The following LARGE1 variants were observed in gnomAD, a reference collection of about 807,000 sequenced individuals.
The protein encoded by LARGE1 is xylosyl- and glucuronyltransferase LARGE1.
LARGE1 carries 43 observed loss-of-function variants against 87.6 expected under a neutral mutation model. The observed-to-expected ratio is 0.49, with a 90% confidence interval of 0.38 to 0.63. The LOEUF is 0.63. Ranked by LOEUF, LARGE1 falls within the 30% of genes least tolerant of loss-of-function variation. The pLI is 0.00. For synonymous variants in LARGE1, 434 were observed against 394.6 expected (o/e 1.10, Z -1.18); for missense variants, 802 against 1,000.2 (o/e 0.80, Z 2.67).
In LARGE1 at chr22:33,304,237, C is replaced by A. The variant is rs1378306743; in HGVS notation, c.1722G>T (p.Glu574Asp). 6.2e-7 allele frequency: 1 copy of A among 1,614,198 alleles called. No homozygotes were observed. The highest frequency in any genetic ancestry group is 1.1e-5 in the South Asian group (1 of 91,088). The change falls in exon 12 of 15, where the codon GAG becomes GAT. Residue 574 changes from glutamate to aspartate, a missense_variant. By Grantham distance (45) the Glu-to-Asp change is conservative (BLOSUM62 2). Around this residue, in one of 2 missense-constraint regions of LARGE1, gnomAD observed 625 missense variants for 841.9 expected, o/e 0.74. Coordinates refer to ENST00000397394, the MANE Select transcript of LARGE1 (RefSeq NM_133642.5). ...IDFLPMYGLY[E>D]YLRKSVIQLD... ...CCCCTGCAGGTCCTTACCTGAGGTA[C>A]TCATAGAGCCCATACATGGGCAGGA...
At chr22:33,136,887 AG>A in the LARGE1 span, among the ~76,000 whole-genome samples, 1 of 151,660 alleles carries the variant, frequency 6.6e-6, no homozygotes, top group Non-Finnish European at 1.5e-5. Flanking sequence ...GGGCTCTGTT[AG>A]GGGAGGAGAA....
intron 5 of LARGE1, among the ~76,000 whole-genome samples, chr22:33,599,881 T>C (rs140841943): frequency 7.2e-5 from 11 of 152,322 alleles, no homozygotes; most frequent in African/African-American, 2.4e-4. Context: ...CCTCCTTCCC[T>C]AAGGTCGTCT....
At chr22:33,624,886 C>A (rs1248282364) in intron 4 of LARGE1, among the ~76,000 whole-genome samples, 1 of 152,048 alleles carries the variant, frequency 6.6e-6, no homozygotes, top group Non-Finnish European at 1.5e-5. Context: ...ATGGAGAGAA[C>A]GGGGAGAAAG....
chr22:33,382,189 C>T, intron 8 of LARGE1, 145 bp from the exon 9 acceptor site: 1 of 989,148 alleles, frequency 1.0e-6, no homozygotes, highest in East Asian at 2.6e-5. Flanking sequence ...TGTGAGGCAT[C>T]TCTCTTGCCT....
intron 11 of LARGE1, among the ~76,000 whole-genome samples, chr22:33,308,465 T>C (rs1185388304): frequency 6.6e-6 from 1 of 152,194 alleles, no homozygotes; most frequent in Non-Finnish European, 1.5e-5. Flanking sequence ...CATATGTATT[T>C]TGGGGATAAT....
chr22:33,614,936 G>T (rs1458407881), intron 4 of LARGE1, among the ~76,000 whole-genome samples: 3 of 152,194 alleles, frequency 2.0e-5, no homozygotes, highest in African/African-American at 7.2e-5. Flanking sequence ...TGGCAGGCTT[G>T]TGCCCATGCT....
At chr22:33,166,031 G>A (rs55894148) in exon 12 of LARGE1, 3 of 152,246 alleles carry the variant, frequency 2.0e-5, no homozygotes, top group Non-Finnish European at 2.9e-5. Context: ...TGATGGCATA[G>A]AGGAAAGGAC....
chr22:33,106,238 A>G, the LARGE1 span, among the ~76,000 whole-genome samples: 1 of 152,162 alleles, frequency 6.6e-6, no homozygotes, highest in Non-Finnish European at 1.5e-5. Flanking sequence ...ATGGCTGGGG[A>G]TACAGAGGTG....
chr22:33,856,467 A>G lies in LARGE1; in HGVS notation c.-83+63528T>C, dbSNP rs147322482. Among the ~76,000 whole-genome samples, 784 of 152,336 alleles carry G rather than the reference A, an allele frequency of 5.1e-3. 9 individuals are homozygous for G. The highest frequency in any genetic ancestry group is 0.018 in the African/African-American group (737 of 41,576). ...ACTGATCATCAGCCAAGAGAGTAAG[A>G]CACAGGGGAAATCCCACCAGAACTG... On this transcript the variant is annotated intron_variant, in intron 1 of 14. Transcript: ENST00000397394.
intron 11 of LARGE1, among the ~76,000 whole-genome samples, chr22:33,312,310 G>A (rs1935685729): frequency 1.3e-5 from 2 of 152,054 alleles, no homozygotes; most frequent in East Asian, 3.9e-4. Context: ...GCCTGGTGGT[G>A]CGCGCCTGTA....
At chr22:33,909,187 A>G (rs768602890) in intron 1 of LARGE1, among the ~76,000 whole-genome samples, 68 of 152,230 alleles carry the variant, frequency 4.5e-4, no homozygotes, top group Middle Eastern at 3.2e-3. Flanking sequence ...CAACAAGGCC[A>G]TATTACAGTG....
chr22:33,849,685 A>G (rs1310116786), intron 1 of LARGE1, among the ~76,000 whole-genome samples: 1 of 132,104 alleles, frequency 7.6e-6, no homozygotes, highest in African/African-American at 3.0e-5. Flanking sequence ...TGCAACCTCT[A>G]CCTCCCAGGT....
At chr22:33,284,604 G>T (rs904728634) in intron 12 of LARGE1, among the ~76,000 whole-genome samples, 4 of 151,828 alleles carry the variant, frequency 2.6e-5, no homozygotes, top group South Asian at 2.1e-4. Flanking sequence ...TGGAGATGGA[G>T]TCTTGCTCTG....
intron 6 of LARGE1, among the ~76,000 whole-genome samples, chr22:33,549,038 T>C (rs538682831): frequency 1.3e-5 from 2 of 152,166 alleles, no homozygotes; most frequent in South Asian, 4.1e-4. Flanking sequence ...AAGTATCCCT[T>C]TGCTTCTAGG....
chr22:33,353,399 CTTTT>C (rs879900631), intron 9 of LARGE1, among the ~76,000 whole-genome samples: 1 of 138,826 alleles, frequency 7.2e-6, no homozygotes, highest in Admixed American at 7.2e-5. Flanking sequence ...TTCTTTTTTT[CTTTT>C]TTTTTTTTTG....
chr22:33,858,286 T>A (rs895042489), intron 1 of LARGE1, among the ~76,000 whole-genome samples: 2 of 152,166 alleles, frequency 1.3e-5, no homozygotes, highest in Non-Finnish European at 2.9e-5. Context: ...GGTCTGTGAC[T>A]GTGGCAAACA....
At chr22:33,900,727 ATCCAATATAACTGCTG>A (rs1251432906) in intron 1 of LARGE1, among the ~76,000 whole-genome samples, 1 of 152,216 alleles carries the variant, frequency 6.6e-6, no homozygotes, top group East Asian at 1.9e-4. Flanking sequence ...GTGGAACTTA[ATCCAATATAACTGCTG>A]TCCTTATAAA....
chr22:33,679,904 T>C (rs961017950), intron 2 of LARGE1, among the ~76,000 whole-genome samples: 1 of 152,206 alleles, frequency 6.6e-6, no homozygotes, highest in Non-Finnish European at 1.5e-5. Flanking sequence ...GCACAGATCC[T>C]TCCCTGGCAT....
chr22:33,831,510 T>C (rs1327296339), intron 1 of LARGE1, among the ~76,000 whole-genome samples: 1 of 152,106 alleles, frequency 6.6e-6, no homozygotes, highest in African/African-American at 2.4e-5. Flanking sequence ...TCTTCTCCTC[T>C]TGCCCTAGGA....
Sources: allele counts gnomAD v4.1 joint callset (sites outside exome capture counted in the v4.1 genomes callset), GRCh38; gene constraint gnomAD v4.1.1; regional missense constraint gnomAD v4.1.1; transcripts MANE v1.5; gene names NCBI Gene and HGNC (gene_info 2026-07-23, HGNC 2026-07-21).